The following PDE1A variants were observed in gnomAD, a reference collection of about 807,000 sequenced individuals.
The protein encoded by PDE1A is dual specificity calcium/calmodulin-dependent 3',5'-cyclic nucleotide phosphodiesterase 1A.
In PDE1A, 35 loss-of-function variants were observed where a neutral mutation model predicts 61.7. That is an observed-to-expected ratio of 0.57 (90% CI 0.43 to 0.75). The LOEUF is 0.75. Ranked by LOEUF, PDE1A falls within the 30% of genes least tolerant of loss-of-function variation. The pLI is 0.00. For synonymous variants in PDE1A, 232 were observed against 213.2 expected (o/e 1.09, Z -0.77); for missense variants, 597 against 630.6 (o/e 0.95, Z 0.57).
At chr2:182,165,451 C>T (rs1324306642), downstream of PDE1A, among the ~76,000 whole-genome samples, 2 of 152,076 alleles carry the variant, frequency 1.3e-5, no homozygotes, top group East Asian at 1.9e-4. Flanking sequence ...ATCTAGGCTA[C>T]TAAGGGCGAT....
chr2:182,604,716 C>CAT, the PDE1A span, among the ~76,000 whole-genome samples: 2 of 151,964 alleles, frequency 1.3e-5, no homozygotes, highest in African/African-American at 2.4e-5. Context: ...AAATGCATGC[C>CAT]ATATATATAA....
At chr2:182,402,996 T>TCCTGGGTATATACCCAAA (rs1559424690) in intron 1 of PDE1A, among the ~76,000 whole-genome samples, 3 of 152,136 alleles carry the variant, frequency 2.0e-5, no homozygotes, top group African/African-American at 7.2e-5. Context: ...CCAGTTAGAA[T>TCCTGGGTATATACCCAAA]GGCGACCATT....
At chr2:182,329,391 T>C (rs917156659) in intron 1 of PDE1A, among the ~76,000 whole-genome samples, 3 of 151,898 alleles carry the variant, frequency 2.0e-5, no homozygotes, top group South Asian at 2.1e-4. Context: ...CTCTTTATTT[T>C]ATTATTTTTT....
intron 13 of PDE1A, among the ~76,000 whole-genome samples, chr2:182,157,739 G>A (rs1043373629): frequency 6.6e-6 from 1 of 152,142 alleles, no homozygotes; most frequent in Non-Finnish European, 1.5e-5. Flanking sequence ...AATTCTAGGA[G>A]TCTATAGATA....
the PDE1A span, among the ~76,000 whole-genome samples, chr2:182,552,918 T>G: frequency 6.6e-6 from 1 of 152,208 alleles, no homozygotes; most frequent in Non-Finnish European, 1.5e-5. Context: ...CACAGCTGTT[T>G]GCCGCCCTCG....
At chr2:182,453,535 C>T (rs1282239897) in intron 2 of PDE1A, among the ~76,000 whole-genome samples, 8 of 151,932 alleles carry the variant, frequency 5.3e-5, no homozygotes, top group South Asian at 2.1e-4. Flanking sequence ...ACTGGCAAAC[C>T]GAATCCAGCA....
At chr2:182,523,862 A>C (rs3754928), upstream of PDE1A, among the ~76,000 whole-genome samples, 64,112 of 151,910 alleles carry the variant, frequency 0.42, 13,864 homozygotes, top group Middle Eastern at 0.54. Flanking sequence ...CTATGTCTAT[A>C]CAAATGACAC....
At chr2:182,674,046 A>C in the PDE1A span, among the ~76,000 whole-genome samples, 2 of 150,374 alleles carry the variant, frequency 1.3e-5, no homozygotes, top group African/African-American at 2.5e-5. Flanking sequence ...GCCTAATGGT[A>C]AAATATGAGG....
intron 2 of PDE1A, among the ~76,000 whole-genome samples, chr2:182,460,039 C>T (rs1194925080): frequency 6.6e-6 from 1 of 152,154 alleles, no homozygotes; most frequent in Non-Finnish European, 1.5e-5. Flanking sequence ...TTCTTCCTCA[C>T]TCCTGTTATT....
At chr2:182,604,593 G>A in the PDE1A span, among the ~76,000 whole-genome samples, 1 of 152,050 alleles carries the variant, frequency 6.6e-6, no homozygotes, top group Non-Finnish European at 1.5e-5. Flanking sequence ...GAAGTTACAG[G>A]TTTTCAGAAA....
chr2:182,587,083 T>G, the PDE1A span, among the ~76,000 whole-genome samples: 1,596 of 152,066 alleles, frequency 0.01, 15 homozygotes, highest in East Asian at 0.038. Context: ...AGTGAAAAAT[T>G]TAAAAGGCAC....
the PDE1A span, among the ~76,000 whole-genome samples, chr2:182,661,248 T>C: frequency 6.6e-6 from 1 of 152,230 alleles, no homozygotes; most frequent in African/African-American, 2.4e-5. Context: ...TTTAAGATGC[T>C]ACACCAGATT....
chr2:182,582,705 T>C, the PDE1A span, among the ~76,000 whole-genome samples: 1 of 152,096 alleles, frequency 6.6e-6, no homozygotes, highest in Admixed American at 6.5e-5. Flanking sequence ...ACAGAACACA[T>C]AGGAGAAAGC....
the PDE1A span, among the ~76,000 whole-genome samples, chr2:182,602,664 C>A: frequency 6.6e-6 from 1 of 152,104 alleles, no homozygotes; most frequent in Non-Finnish European, 1.5e-5. Flanking sequence ...ATTTTCTAGA[C>A]AATCAGCCCA....
chr2:182,248,393 C>T (rs1413005978), intron 2 of PDE1A, among the ~76,000 whole-genome samples: 1 of 151,630 alleles, frequency 6.6e-6, no homozygotes, highest in African/African-American at 2.4e-5. Context: ...TAGTTTTTGT[C>T]CCAGTGGAGT....
chr2:182,693,685 T>C, the PDE1A span, among the ~76,000 whole-genome samples: 1 of 150,838 alleles, frequency 6.6e-6, no homozygotes, highest in African/African-American at 2.4e-5. Context: ...TCCACACTGT[T>C]GCCCAGGTTG....
At chr2:182,167,838 T>C (rs543114248), downstream of PDE1A, 5,108 of 875,538 alleles carry the variant, frequency 5.8e-3, 36 homozygotes, top group Non-Finnish European at 6.7e-3. Flanking sequence ...AATTTTTTTT[T>C]TTAATTTGCA....
chr2:182,341,726 T>C (rs1174817574), intron 1 of PDE1A, among the ~76,000 whole-genome samples: 1 of 152,208 alleles, frequency 6.6e-6, no homozygotes, highest in Non-Finnish European at 1.5e-5. Flanking sequence ...TGTGACACTT[T>C]CTTTGAATAA....
At chr2:182,460,967 G>A (rs1206962364) in intron 2 of PDE1A, among the ~76,000 whole-genome samples, 4 of 152,076 alleles carry the variant, frequency 2.6e-5, no homozygotes, top group Admixed American at 6.6e-5. Context: ...GGGCTAAGAG[G>A]GAAGAGAATT....
Sources: allele counts gnomAD v4.1 joint callset (sites outside exome capture counted in the v4.1 genomes callset), GRCh38; gene constraint gnomAD v4.1.1; transcripts MANE v1.5; gene names NCBI Gene and HGNC (gene_info 2026-07-23, HGNC 2026-07-21).